The following FAT3 variants were observed in gnomAD, a reference collection of about 807,000 sequenced individuals.
The protein encoded by FAT3 is FAT atypical cadherin 3.
FAT3 carries 95 observed loss-of-function variants against 310.2 expected under a neutral mutation model. That is an observed-to-expected ratio of 0.31 (90% CI 0.26 to 0.36). FAT3 has a LOEUF of 0.36. Ranked by LOEUF, FAT3 falls within the 10% of genes least tolerant of loss-of-function variation. FAT3 has a pLI of 1.00. For synonymous variants in FAT3, 2,314 were observed against 2,192.9 expected, an observed-to-expected ratio of 1.06 and a Z score of -1.54; for missense variants, 5,408 against 5,715.6, an observed-to-expected ratio of 0.95 and a Z score of 1.74.
chr11:92,624,725 T>A (rs557252287), intron 3 of FAT3, among the ~76,000 whole-genome samples: 2 of 152,308 alleles, frequency 1.3e-5, no homozygotes, highest in South Asian at 4.1e-4. Context: ...GGGGGTGTTT[T>A]AGTTTGCTGG....
At chr11:92,335,543 A>G (rs956449104) in intron 1 of FAT3, among the ~76,000 whole-genome samples, 3 of 152,184 alleles carry the variant, frequency 2.0e-5, no homozygotes, top group Non-Finnish European at 4.4e-5. Context: ...TTATATAAAA[A>G]ACCTTAAAAG....
intron 1 of FAT3, among the ~76,000 whole-genome samples, chr11:92,319,288 T>C (rs1947546733): frequency 1.3e-5 from 2 of 152,216 alleles, no homozygotes; most frequent in Non-Finnish European, 2.9e-5. Context: ...TGGTTGATAC[T>C]CTTGAATAAG....
intron 3 of FAT3, among the ~76,000 whole-genome samples, chr11:92,645,911 G>A (rs575809504): frequency 1.3e-5 from 2 of 152,162 alleles, no homozygotes; most frequent in Non-Finnish European, 1.5e-5. Context: ...GTGTTGAAGT[G>A]AATGGGTAAA....
At chr11:92,686,163 A>C (rs1411246193) in intron 3 of FAT3, among the ~76,000 whole-genome samples, 3 of 152,198 alleles carry the variant, frequency 2.0e-5, no homozygotes, top group Non-Finnish European at 2.9e-5. Flanking sequence ...GAACAGAAAG[A>C]CAGTGAAATG....
chr11:92,586,423 G>A (rs1006350381), intron 3 of FAT3, among the ~76,000 whole-genome samples: 1 of 151,916 alleles, frequency 6.6e-6, no homozygotes, highest in Non-Finnish European at 1.5e-5. Context: ...TGACCACTCA[G>A]TGCCACAGAT....
chr11:92,402,852 A>G (rs1005076384), intron 2 of FAT3, among the ~76,000 whole-genome samples: 1 of 152,046 alleles, frequency 6.6e-6, no homozygotes, highest in African/African-American at 2.4e-5. Context: ...ACCAAAAAAA[A>G]AAAAGGCCAG....
chr11:92,430,888 A>G (rs1950752925), intron 2 of FAT3, among the ~76,000 whole-genome samples: 1 of 151,912 alleles, frequency 6.6e-6, no homozygotes, highest in Non-Finnish European at 1.5e-5. Context: ...TATGTGCCAC[A>G]TTTTCTTAAT....
intron 1 of FAT3, among the ~76,000 whole-genome samples, chr11:92,293,934 T>G (rs1946777739): frequency 6.6e-6 from 1 of 152,024 alleles, no homozygotes; most frequent in African/African-American, 2.4e-5. Context: ...CACAATTGGA[T>G]AGAGATTCAG....
chr11:92,631,309 C>T (rs1281123524), intron 3 of FAT3, among the ~76,000 whole-genome samples: 1 of 152,152 alleles, frequency 6.6e-6, no homozygotes, highest in Non-Finnish European at 1.5e-5. Context: ...TGACAGTCTT[C>T]TCACTGAGTC....
chr11:92,620,911 C>T (rs1941056540), intron 3 of FAT3, among the ~76,000 whole-genome samples: 2 of 152,152 alleles, frequency 1.3e-5, no homozygotes, highest in South Asian at 2.1e-4. Context: ...AGAGAGCTGT[C>T]TTTTTGTTAT....
intron 1 of FAT3, among the ~76,000 whole-genome samples, chr11:92,316,315 C>T (rs557489970): frequency 1.2e-4 from 19 of 152,194 alleles, no homozygotes; most frequent in South Asian, 2.1e-4. Context: ...AGTACTCAGA[C>T]GCAATCTGTG....
intron 1 of FAT3, among the ~76,000 whole-genome samples, chr11:92,342,053 A>G (rs573437644): frequency 2.0e-5 from 3 of 152,106 alleles, no homozygotes; most frequent in Non-Finnish European, 4.4e-5. Context: ...AGCCAAATAG[A>G]CAAGCACTTA....
At chr11:92,682,154 G>A (rs1472295002) in intron 3 of FAT3, among the ~76,000 whole-genome samples, 1 of 152,136 alleles carries the variant, frequency 6.6e-6, no homozygotes, top group Admixed American at 6.6e-5. Flanking sequence ...CAAGTTACAC[G>A]GTCTTGCTAA....
chr11:92,708,366 G>A (rs1944421692), intron 4 of FAT3, among the ~76,000 whole-genome samples: 1 of 152,188 alleles, frequency 6.6e-6, no homozygotes, highest in Non-Finnish European at 1.5e-5. Context: ...TATTATAAAT[G>A]TAGATAGAGA....
At chr11:92,637,467 A>G (rs2135718462) in intron 3 of FAT3, among the ~76,000 whole-genome samples, 1 of 152,342 alleles carries the variant, frequency 6.6e-6, no homozygotes, top group East Asian at 1.9e-4. Flanking sequence ...CTTGTTGAAA[A>G]GATTAAATTC....
intron 19 of FAT3, among the ~76,000 whole-genome samples, chr11:92,846,900 T>C (rs1049043406): frequency 6.6e-6 from 1 of 152,174 alleles, no homozygotes; most frequent in African/African-American, 2.4e-5. Flanking sequence ...ATTTTAGTGG[T>C]AAAGGAGCTC....
At chr11:92,759,815 G>C (rs1425840247) in intron 4 of FAT3, among the ~76,000 whole-genome samples, 1 of 152,090 alleles carries the variant, frequency 6.6e-6, no homozygotes, top group Non-Finnish European at 1.5e-5. Flanking sequence ...TGCCAAGAGG[G>C]GCTCCTTTCC....
At chr11:92,361,051 T>A (rs1024604280) in intron 2 of FAT3, among the ~76,000 whole-genome samples, 2 of 152,162 alleles carry the variant, frequency 1.3e-5, no homozygotes, top group African/African-American at 4.8e-5. Flanking sequence ...CTTATGGAAA[T>A]ATTTTTTTCT....
intron 1 of FAT3, among the ~76,000 whole-genome samples, chr11:92,341,676 C>T (rs1591136259): frequency 6.6e-6 from 1 of 152,046 alleles, no homozygotes; most frequent in Admixed American, 6.6e-5. Flanking sequence ...TTTTCTCTTC[C>T]CATGCTATAA....
Sources: gnomAD v4.1 joint callset for allele counts (sites outside exome capture counted in the v4.1 genomes callset) on GRCh38, gnomAD v4.1.1 for gene constraint, MANE v1.5 for transcripts, NCBI Gene and HGNC (gene_info 2026-07-23, HGNC 2026-07-21) for gene names.